The following SERPINE3 variants were observed in gnomAD, a reference collection of about 807,000 sequenced individuals.
SERPINE3 encodes serpin family E member 3, also known as serpin E3.
A neutral mutation model predicts 41.7 loss-of-function variants in SERPINE3; 43 were observed. That is an observed-to-expected ratio of 1.03 (90% CI 0.81 to 1.33). The LOEUF is 1.33. Ranked by LOEUF, SERPINE3 falls within the 40% of genes most tolerant of loss-of-function variation. The pLI, the probability that SERPINE3 is intolerant of heterozygous loss-of-function variation, is 0.00. For missense variants in SERPINE3, 440 were observed against 491.7 expected, an observed-to-expected ratio of 0.89 and a Z score of 0.99; for synonymous variants, 200 against 192.2, an observed-to-expected ratio of 1.04 and a Z score of -0.34.
intron 7 of SERPINE3, among the ~76,000 whole-genome samples, chr13:51,356,377 G>T (rs1229406289): frequency 6.6e-6 from 1 of 152,024 alleles, no homozygotes; most frequent in East Asian, 1.9e-4. Flanking sequence ...AAAGAGCAAG[G>T]GATGAAGAAC....
chr13:51,345,055 T>G (rs1325916153), intron 4 of SERPINE3, among the ~76,000 whole-genome samples: 1 of 152,234 alleles, frequency 6.6e-6, no homozygotes, highest in Admixed American at 6.5e-5. Context: ...GTAATTATTA[T>G]GAAAGATAAT....
intron 4 of SERPINE3, 41 bp from the exon 5 acceptor site, chr13:51,346,984 T>G (rs748941619): frequency 6.9e-7 from 1 of 1,454,828 alleles, no homozygotes; most frequent in Non-Finnish European, 9.4e-7. Flanking sequence ...TCAGTTTCAA[T>G]GCACATTTAA....
intron 7 of SERPINE3, among the ~76,000 whole-genome samples, chr13:51,358,383 G>GT (rs1955513700): frequency 6.6e-6 from 1 of 152,156 alleles, no homozygotes; most frequent in South Asian, 2.1e-4. Context: ...ACAACGTCAT[G>GT]TTTTGAAGAC....
Position 51,357,233 on chromosome 13 carries a change from C to G in SERPINE3, c.1000+2090C>G, listed in dbSNP as rs990411336. ...CATAATCAAGAGACTAACCACTTCT[C>G]TGCCCAAATGGGCTTTCAACTTAAT... is the stretch of plus-strand genomic sequence containing the variant. On this transcript the variant is annotated intron_variant, in intron 7 of 9. Coordinates refer to ENST00000681248, the MANE Select transcript of SERPINE3 (RefSeq NM_001386375.1). Among the ~76,000 whole-genome samples, 8 of 152,224 alleles carry G rather than the reference C, an allele frequency of 5.3e-5. No homozygotes were observed. In the East Asian group the frequency reaches 1.3e-3, roughly 26 times the overall value.
chr13:51,347,283 C>T (rs1413243897), intron 5 of SERPINE3, 49 bp downstream of exon 5: 1 of 1,539,374 alleles, frequency 6.5e-7, no homozygotes, highest in Non-Finnish European at 8.9e-7. Context: ...AAGCCTGGGC[C>T]TGAGGGCAGG....
intron 9 of SERPINE3, chr13:51,363,471 G>C (rs1010825896): frequency 6.6e-6 from 1 of 151,432 alleles, no homozygotes; most frequent in African/African-American, 2.4e-5. Flanking sequence ...AGCAACTAAT[G>C]AATCAATCAG....
intron 6 of SERPINE3, among the ~76,000 whole-genome samples, chr13:51,349,049 C>T (rs1955380946): frequency 6.6e-6 from 1 of 152,178 alleles, no homozygotes; most frequent in Non-Finnish European, 1.5e-5. Context: ...ATTAGCAAAA[C>T]TCATAACTTT....
intron 4 of SERPINE3, 81 bp from the exon 5 acceptor site, chr13:51,346,944 C>T (rs1955352996): frequency 4.8e-6 from 5 of 1,050,678 alleles, no homozygotes; most frequent in Non-Finnish European, 7.2e-6. Flanking sequence ...TAACTCTGCA[C>T]TCCTTGTCCG....
chr13:51,344,441 G>GCA lies in SERPINE3; in HGVS notation c.448_449dup (p.Ala151ProfsTer40), dbSNP rs1206477278. The GCA allele has an allele frequency of 6.2e-7, 1 of 1,605,646 alleles. No homozygotes were observed. The highest frequency in any genetic ancestry group is 1.7e-5 in the Admixed American group (1 of 58,790). Reference sequence around the variant, plus strand: ...CCAGCCGACCTCAGTGAGCCCAATAGCACCGCCATCCAGACTAGCGAAGGG... The same window carrying GCA: ...CCAGCCGACCTCAGTGAGCCCAATAGCACACCGCCATCCAGACTAGCGAAGGG... On this transcript the variant is annotated frameshift_variant, in exon 4 of 10. Coordinates refer to ENST00000681248, the MANE Select transcript of SERPINE3 (RefSeq NM_001386375.1). LOFTEE classifies it high-confidence loss of function.
Position 51,358,555 on chromosome 13 carries a change from G to A in SERPINE3, c.1001-2723G>A, listed in dbSNP as rs543336604. On this transcript the variant is annotated intron_variant, in intron 7 of 9. Transcript: ENST00000681248. Reference sequence around the variant, plus strand: ...CAGCATTTCCTTACAAGTTTAACAAGGTTAAAGAACATTAAGGCCATTCGT... The same window carrying A: ...CAGCATTTCCTTACAAGTTTAACAAAGTTAAAGAACATTAAGGCCATTCGT... 2.6e-5 allele frequency among the ~76,000 whole-genome samples: 4 copies of A among 152,150 alleles called. No individual in the cohort carries two copies. In the South Asian group the frequency reaches 8.3e-4, roughly 32 times the overall value.
At position 51,361,652 on chromosome 13, in the gene SERPINE3, TC is replaced by T. The variant is rs1955579296; in HGVS notation, c.1088-157del. On this transcript the variant is annotated intron_variant, in intron 8 of 9. Coordinates refer to ENST00000681248, the MANE Select transcript of SERPINE3 (RefSeq NM_001386375.1). The stretch of plus-strand genomic sequence containing the variant: ...AGGATTGGCTAAATGGCATCTTTTC[TC>T]TTTAATTTTCCCATCTGCACCCCCA... 6.2e-6 allele frequency: 4 copies of T among 644,706 alleles called. No individual in the cohort carries two copies. In the Admixed American group the frequency reaches 1.3e-4, roughly 21 times the overall value. The allele number at this position is 644,706 out of a possible 1,614,324, so 39.9% of individuals were successfully genotyped here. A position where few individuals can be genotyped will look rare whatever the true frequency, so the allele number is the denominator to read the frequency against.
At chr13:51,340,310 A>G (rs1252725236) in intron 1 of SERPINE3, among the ~76,000 whole-genome samples, 17 of 152,192 alleles carry the variant, frequency 1.1e-4, no homozygotes, top group Admixed American at 1.1e-3. Flanking sequence ...ATTATTTTCT[A>G]GTTAATGATC....
chr13:51,355,949 A>C (rs1236401948), intron 7 of SERPINE3, among the ~76,000 whole-genome samples: 1 of 152,152 alleles, frequency 6.6e-6, no homozygotes, highest in Non-Finnish European at 1.5e-5. Flanking sequence ...GAAAATCACT[A>C]TTTTGAATTC....
At chr13:51,348,093 G>A in intron 5 of SERPINE3, 120 bp from the exon 6 acceptor site, 1 of 715,662 alleles carries the variant, frequency 1.4e-6, no homozygotes, top group South Asian at 1.9e-5. Flanking sequence ...TCCTGAGGGT[G>A]AGGTGGATGC....
At chr13:51,346,642 C>T (rs760239660) in intron 4 of SERPINE3, among the ~76,000 whole-genome samples, 3 of 152,352 alleles carry the variant, frequency 2.0e-5, no homozygotes, top group Admixed American at 1.3e-4. Flanking sequence ...ATTTCCCTCT[C>T]CACACCCTCA....
At position 51,355,141 on chromosome 13, in the gene SERPINE3, C is replaced by T. The variant is rs970716424; in HGVS notation, c.998C>T (p.Ser333Leu). 1 of 1,483,862 alleles carries T rather than the reference C, an allele frequency of 6.7e-7. No individual in the cohort carries two copies. The highest frequency in any genetic ancestry group is 9.2e-7 in the Non-Finnish European group (1 of 1,085,850). The allele number at this position is 1,483,862 out of a possible 1,614,324, so 91.9% of individuals were successfully genotyped here. Residue 333 changes from serine (S) to leucine (L), a missense_variant and splice_region_variant, in exon 7 of 10, where the codon TCA becomes TTA. Ser to Leu is a moderately radical substitution (Grantham distance 145). Transcript: ENST00000681248. ...CTCAAAGCTAACTTGAAAGGAATTTCAGGTAAAAACGGTTCTTCTTCCAAA... is the reference window on the plus strand; with the variant it reads ...CTCAAAGCTAACTTGAAAGGAATTTTAGGTAAAAACGGTTCTTCTTCCAAA... ...DPLKANLKGISGQDGFYVSEA... is the reference protein window; with the variant it reads ...DPLKANLKGILGQDGFYVSEA...
intron 7 of SERPINE3, among the ~76,000 whole-genome samples, chr13:51,359,349 A>AT (rs1314038004): frequency 6.6e-6 from 1 of 152,138 alleles, no homozygotes; most frequent in Non-Finnish European, 1.5e-5. Flanking sequence ...TTTTTATCGC[A>AT]TATGTTGGTC....
chr13:51,350,731 C>T (rs756948359), intron 6 of SERPINE3, among the ~76,000 whole-genome samples: 4 of 152,110 alleles, frequency 2.6e-5, no homozygotes, highest in African/African-American at 4.8e-5. Context: ...ACCATCACTA[C>T]TAATTCCAGA....
In SERPINE3 at chr13:51,348,401, T is replaced by C. The variant is rs767147966; in HGVS notation, c.889T>C (p.Phe297Leu). 6.2e-6 allele frequency: 10 copies of C among 1,613,382 alleles called. No homozygotes were observed. Among genetic ancestry groups the C allele is most frequent in the Non-Finnish European group, 7.6e-6 (9 of 1,179,760 alleles). Reference sequence around the variant, plus strand: ...CCTGAGGAGAGCCAGGATGGATGTGTTCCTGCCCAGGTGAGCAGCTGAGTC... The same window carrying C: ...CCTGAGGAGAGCCAGGATGGATGTGCTCCTGCCCAGGTGAGCAGCTGAGTC... ...TSLRRARMDV[F>L]LPRFRIQNQF... Residue 297 changes from phenylalanine to leucine, a missense_variant, in exon 6 of 10, where the codon TTC becomes CTC. Phe to Leu is a conservative substitution (Grantham distance 22, BLOSUM62 0). Coordinates refer to ENST00000681248, the MANE Select transcript of SERPINE3 (RefSeq NM_001386375.1).
Sources: allele counts gnomAD v4.1 joint callset (sites outside exome capture counted in the v4.1 genomes callset), GRCh38; gene constraint gnomAD v4.1.1; transcripts MANE v1.5; gene names NCBI Gene and HGNC (gene_info 2026-07-23, HGNC 2026-07-21).